The following CNRIP1 variants were observed in gnomAD, a reference collection of about 807,000 sequenced individuals.
The protein encoded by CNRIP1 is CB1 cannabinoid receptor-interacting protein 1.
CNRIP1 carries 10 observed loss-of-function variants against 15.2 expected under a neutral mutation model. The observed-to-expected ratio is 0.66, with a 90% CI of 0.41 to 1.12. The LOEUF is 1.12. Ranked by LOEUF, CNRIP1 falls within the 50% of genes most tolerant of loss-of-function variation. The pLI, the probability that CNRIP1 is intolerant of heterozygous loss-of-function variation, is 0.00. For synonymous variants in CNRIP1, 91 were observed against 83.2 expected (o/e 1.09, Z -0.51); for missense variants, 211 against 214.7 (o/e 0.98, Z 0.11).
At chr2:68,294,628 TA>T (rs1671281905) in intron 2 of CNRIP1, among the ~76,000 whole-genome samples, 1 of 152,210 alleles carries the variant, frequency 6.6e-6, no homozygotes, top group Non-Finnish European at 1.5e-5. Flanking sequence ...TACATCTACA[TA>T]AAATTTCCAT....
At chr2:68,313,857 A>G (rs576934780) in intron 2 of CNRIP1, among the ~76,000 whole-genome samples, 32 of 152,200 alleles carry the variant, frequency 2.1e-4, no homozygotes, top group African/African-American at 7.2e-4. Context: ...AAGGTTCTAT[A>G]TCATCCAACC....
Position 68,319,501 on chromosome 2 carries a change from G to C in CNRIP1, c.-101C>G. The C allele has an allele frequency of 1.6e-6, 2 of 1,239,510 alleles. No homozygotes were observed. The highest frequency in any genetic ancestry group is 2.1e-6 in the Non-Finnish European group (2 of 932,428). The allele number at this position is 1,239,510 out of a possible 1,614,324, so 76.8% of individuals were successfully genotyped here. A position where few individuals can be genotyped will look rare whatever the true frequency, so the allele number is the denominator to read the frequency against. ...GAGGGGCGGAGAGGAAGCGCGGGGA[G>C]GGTGAGGGAGGTGGTGGAGCTGAGG... On this transcript the variant is annotated 5_prime_UTR_variant, in exon 1 of 3. Transcript: ENST00000263655.
In CNRIP1 at chr2:68,319,380, G is replaced by C. The variant is rs1455515053; in HGVS notation, c.21C>G (p.Leu7=). Residue 7 remains leucine (L), a synonymous_variant, in exon 1 of 3, where the codon CTC becomes CTG. Transcript: ENST00000263655. ...TGCGCAGCGCGATGGAGAGGCGCAC[G>C]AGGCCCGGCAGGTCCCCCATGTCTG... is the stretch of plus-strand genomic sequence containing the variant. MGDLPG[L]VRLSIALRIQ... 6.3e-7 allele frequency: 1 copy of C among 1,582,994 alleles called. No homozygotes were observed.
intron 2 of CNRIP1, chr2:68,316,789 A>C (rs1021269605): frequency 1.5e-5 from 7 of 472,778 alleles, no homozygotes; most frequent in African/African-American, 3.9e-5. Flanking sequence ...GTGTCATTCA[A>C]ATCAGCTTTC....
downstream of CNRIP1, among the ~76,000 whole-genome samples, chr2:68,289,664 A>G (rs1284887217): frequency 6.6e-6 from 1 of 152,114 alleles, no homozygotes; most frequent in African/African-American, 2.4e-5. Flanking sequence ...TGTTTTTCAT[A>G]GAGACATGGT....
At chr2:68,284,881 A>G (rs1400068030) in intron 2 of CNRIP1, among the ~76,000 whole-genome samples, 2 of 152,162 alleles carry the variant, frequency 1.3e-5, no homozygotes, top group Non-Finnish European at 2.9e-5. Flanking sequence ...AGAAGCATCA[A>G]GCTCTGTGTA....
In CNRIP1 at chr2:68,303,805, G is replaced by A. The variant is rs941939195; in HGVS notation, c.331-9779C>T. On this transcript the variant is annotated intron_variant, in intron 2 of 2. Coordinates refer to ENST00000263655, the MANE Select transcript of CNRIP1 (RefSeq NM_015463.3). Reference sequence around the variant, plus strand: ...TTAAAAGGTTGGAGAGTCCAGGCGCGGTTGCTCACCCCTGTAATCCCAGGA... The same window carrying A: ...TTAAAAGGTTGGAGAGTCCAGGCGCAGTTGCTCACCCCTGTAATCCCAGGA... Among the ~76,000 whole-genome samples, 9 of 152,284 alleles carry A rather than the reference G, an allele frequency of 5.9e-5. No homozygotes were observed. The East Asian group carries it at 7.7e-4, about 13-fold the overall frequency.
rs373078296 is a variant in CNRIP1, at chr2:68,293,522, C to G, written c.*340G>C. 2.2e-4 allele frequency: 222 copies of G among 1,012,716 alleles called. No homozygotes were observed. The African/African-American group carries it at 3.5e-3, about 16-fold the overall frequency. 62.7% of individuals were successfully genotyped at this position (1,012,716 alleles called of 1,614,324 possible). The stretch of plus-strand genomic sequence containing the variant: ...AATCACTTAACTTGGAAACAAAACA[C>G]CAAAGTTAGTCAGTGGAATGGTCAA... On this transcript the variant is annotated 3_prime_UTR_variant, in exon 3 of 3. Coordinates refer to ENST00000263655, the MANE Select transcript of CNRIP1 (RefSeq NM_015463.3).
At chr2:68,307,465 G>T (rs527488676) in intron 2 of CNRIP1, among the ~76,000 whole-genome samples, 1 of 152,226 alleles carries the variant, frequency 6.6e-6, no homozygotes, top group Non-Finnish European at 1.5e-5. Flanking sequence ...GAGACTACAG[G>T]CATATGTCAC....
At chr2:68,300,431 A>G (rs1671561851) in intron 2 of CNRIP1, among the ~76,000 whole-genome samples, 1 of 152,172 alleles carries the variant, frequency 6.6e-6, no homozygotes, top group Admixed American at 6.5e-5. Flanking sequence ...AGCCTGGCTG[A>G]GATTGTGAAA....
At position 68,319,306 on chromosome 2, in the gene CNRIP1, A is replaced by G; in HGVS notation, c.95T>C (p.Phe32Ser). 6.4e-7 allele frequency: 1 copy of G among 1,555,568 alleles called. No individual in the cohort carries two copies. The highest frequency in any genetic ancestry group is 8.7e-7 in the Non-Finnish European group (1 of 1,149,392). The change falls in exon 1 of 3, where the codon TTC (phenylalanine) becomes TCC (serine). Residue 32 changes from phenylalanine to serine, a missense_variant. Transcript: ENST00000263655. ...CAGCTTGATGGTGCGGTTCTGGCCGAAGCGCTGCCCGTCCACCTTGTAAAA... is the reference window on the plus strand; with the variant it reads ...CAGCTTGATGGTGCGGTTCTGGCCGGAGCGCTGCCCGTCCACCTTGTAAAA... The part of the protein sequence containing the change: ...PVFYKVDGQR[F>S]GQNRTIKLLT...
chr2:68,286,667 C>G (rs1028194627), intron 2 of CNRIP1, among the ~76,000 whole-genome samples: 1 of 152,154 alleles, frequency 6.6e-6, no homozygotes, highest in African/African-American at 2.4e-5. Context: ...CCATTGTTAC[C>G]TCTTGGGCCA....
chr2:68,311,665 C>T (rs1385951445), intron 2 of CNRIP1, among the ~76,000 whole-genome samples: 3 of 150,304 alleles, frequency 2.0e-5, no homozygotes, highest in African/African-American at 7.4e-5. Context: ...ATCCCAGCTA[C>T]TTGGGAGGCC....
intron 1 of CNRIP1, among the ~76,000 whole-genome samples, chr2:68,318,432 A>G (rs1193207451): frequency 6.6e-6 from 1 of 152,186 alleles, no homozygotes; most frequent in Non-Finnish European, 1.5e-5. Flanking sequence ...AGGCTACTGC[A>G]TGCTCCCACA....
chr2:68,284,317 C>T (rs966414842), exon 3 of CNRIP1: 9 of 612,620 alleles, frequency 1.5e-5, no homozygotes, highest in East Asian at 9.9e-5. Flanking sequence ...CAAGCATCCC[C>T]GATAATTCTG....
At chr2:68,315,366 C>T (rs6546371) in intron 2 of CNRIP1, among the ~76,000 whole-genome samples, 1 of 152,142 alleles carries the variant, frequency 6.6e-6, no homozygotes, top group East Asian at 1.9e-4. Flanking sequence ...AGATGATAGG[C>T]GTGTAAATTG....
At chr2:68,303,147 A>G (rs924112942) in intron 2 of CNRIP1, among the ~76,000 whole-genome samples, 2 of 152,074 alleles carry the variant, frequency 1.3e-5, no homozygotes, top group African/African-American at 4.8e-5. Flanking sequence ...CGCCCGGCCG[A>G]AAAACATTTT....
intron 2 of CNRIP1, among the ~76,000 whole-genome samples, chr2:68,302,006 TAAAG>T (rs1230220050): frequency 6.6e-6 from 1 of 151,784 alleles, no homozygotes; most frequent in Non-Finnish European, 1.5e-5. Context: ...TCATATTTCA[TAAAG>T]AAATATGCCA....
chr2:68,305,788 T>C, intron 2 of CNRIP1, among the ~76,000 whole-genome samples: 2 of 110,242 alleles, frequency 1.8e-5, no homozygotes, highest in Admixed American at 1.1e-4. Context: ...AGAGAAAGAC[T>C]CTTCCAAAAA....
Sources: gnomAD v4.1 joint callset for allele counts (sites outside exome capture counted in the v4.1 genomes callset) on GRCh38, gnomAD v4.1.1 for gene constraint, MANE v1.5 for transcripts, NCBI Gene and HGNC (gene_info 2026-07-23, HGNC 2026-07-21) for gene names.